LDHC: variants seen among roughly 807,000 people sequenced by gnomAD.
LDHC encodes L-lactate dehydrogenase C chain.
In LDHC, 20 loss-of-function variants were observed where a neutral mutation model predicts 30.2. The observed-to-expected ratio is 0.66, with a 90% CI of 0.47 to 0.96. LDHC has a LOEUF of 0.96. Among genes scored for constraint, LDHC ranks in the 40% least tolerant of loss-of-function variants. The pLI is 0.00. For synonymous variants in LDHC, 139 were observed against 132.7 expected, an observed-to-expected ratio of 1.05 and a Z score of -0.32; for missense variants, 362 against 394.9, an observed-to-expected ratio of 0.92 and a Z score of 0.71.
At chr11:18,414,242 T>C (rs2134043521) in intron 2 of LDHC, among the ~76,000 whole-genome samples, 1 of 152,364 alleles carries the variant, frequency 6.6e-6, no homozygotes, top group East Asian at 1.9e-4. Flanking sequence ...CTGGGCCATA[T>C]GTCCACTTAT....
intron 4 of LDHC, among the ~76,000 whole-genome samples, chr11:18,434,217 A>ATT (rs60806253): frequency 7.0e-4 from 103 of 146,112 alleles, no homozygotes; most frequent in Non-Finnish European, 1.0e-3. Flanking sequence ...TTCTTGTATC[A>ATT]TTTTTTTTTT....
chr11:18,437,881 A>G (rs561117788), intron 5 of LDHC, among the ~76,000 whole-genome samples: 109 of 151,992 alleles, frequency 7.2e-4, no homozygotes, highest in African/African-American at 2.6e-3. Flanking sequence ...CCTGGCCAAC[A>G]TAGCGAAACC....
intron 6 of LDHC, among the ~76,000 whole-genome samples, chr11:18,442,660 C>CTTTTTTT (rs34884188): frequency 2.7e-5 from 3 of 112,626 alleles, no homozygotes; most frequent in Non-Finnish European, 3.5e-5. Context: ...TTCTCTCTCT[C>CTTTTTTT]TTTTTTTTTT....
chr11:18,433,019 T>C (rs1049304588), intron 4 of LDHC, among the ~76,000 whole-genome samples: 3 of 152,144 alleles, frequency 2.0e-5, no homozygotes, highest in African/African-American at 7.2e-5. Flanking sequence ...GTACTTTGGG[T>C]TTTTGTTTGT....
chr11:18,436,726 T>G (rs1031212406), intron 5 of LDHC, among the ~76,000 whole-genome samples: 1 of 151,836 alleles, frequency 6.6e-6, no homozygotes, highest in African/African-American at 2.4e-5. Flanking sequence ...CGTCAGGTGA[T>G]CCACCCGCCA....
At chr11:18,418,380 A>C (rs4757663) in intron 3 of LDHC, among the ~76,000 whole-genome samples, 14,566 of 149,658 alleles carry the variant, frequency 0.097, 817 homozygotes, top group Admixed American at 0.14. Flanking sequence ...TGTATCAGTT[A>C]ATTTGGTGGA....
At chr11:18,431,952 T>A (rs1042643540) in intron 4 of LDHC, among the ~76,000 whole-genome samples, 4 of 152,206 alleles carry the variant, frequency 2.6e-5, no homozygotes, top group African/African-American at 9.7e-5. Flanking sequence ...TATTTTTTTG[T>A]TTCAATTTCA....
intron 5 of LDHC, among the ~76,000 whole-genome samples, chr11:18,436,552 T>C (rs927573908): frequency 1.1e-4 from 16 of 145,744 alleles, no homozygotes. Flanking sequence ...AATGGTGTGA[T>C]CTCGGCTCAC....
chr11:18,422,712 G>A (rs1478889762), intron 3 of LDHC, among the ~76,000 whole-genome samples: 1 of 152,028 alleles, frequency 6.6e-6, no homozygotes, highest in African/African-American at 2.4e-5. Context: ...ATGTCAGGCT[G>A]GGTGTGGTGC....
chr11:18,436,266 T>C (rs1200910186), intron 5 of LDHC, among the ~76,000 whole-genome samples: 4 of 152,136 alleles, frequency 2.6e-5, no homozygotes, highest in Non-Finnish European at 4.4e-5. Context: ...CAGTATATTC[T>C]GATTAGTATT....
At chr11:18,441,332 T>TA (rs1171296137) in intron 6 of LDHC, among the ~76,000 whole-genome samples, 1 of 151,812 alleles carries the variant, frequency 6.6e-6, no homozygotes, top group South Asian at 2.1e-4. Flanking sequence ...CTTTTTTTTT[T>TA]ATTTGAGATG....
At chr11:18,450,916 C>A in intron 7 of LDHC, 47 bp from the exon 8 acceptor site, 1 of 1,410,750 alleles carries the variant, frequency 7.1e-7, no homozygotes, top group Non-Finnish European at 9.7e-7. Flanking sequence ...TGCATAGCTG[C>A]TTTTCCATAT....
At chr11:18,434,698 G>T in intron 4 of LDHC, 42 bp from the exon 5 acceptor site, 2 of 1,346,334 alleles carry the variant, frequency 1.5e-6, no homozygotes, top group Admixed American at 2.0e-5. Flanking sequence ...ATTTTTTTAA[G>T]TTATGATGAA....
At chr11:18,427,387 C>CA (rs1057152048) in intron 3 of LDHC, among the ~76,000 whole-genome samples, 2 of 151,736 alleles carry the variant, frequency 1.3e-5, no homozygotes, top group Non-Finnish European at 2.9e-5. Flanking sequence ...AAAATAACAA[C>CA]AAAAAAACGC....
At chr11:18,431,290 A>G (rs111529024) in intron 4 of LDHC, among the ~76,000 whole-genome samples, 22,643 of 151,676 alleles carry the variant, frequency 0.15, 1,862 homozygotes, top group African/African-American at 0.21. Context: ...GTGAAACCCC[A>G]TCTCTACTAA....
At chr11:18,426,435 G>C (rs1565050099) in intron 3 of LDHC, among the ~76,000 whole-genome samples, 1 of 149,564 alleles carries the variant, frequency 6.7e-6, no homozygotes. Context: ...GCTGAAGCAG[G>C]AGAATCACTT....
At chr11:18,421,459 G>C (rs1320279030) in intron 3 of LDHC, among the ~76,000 whole-genome samples, 1 of 152,050 alleles carries the variant, frequency 6.6e-6, no homozygotes, top group Non-Finnish European at 1.5e-5. Flanking sequence ...GATCACTTGA[G>C]GTCAGGAGTT....
chr11:18,437,584 C>G (rs1217864391), intron 5 of LDHC, among the ~76,000 whole-genome samples: 2 of 151,994 alleles, frequency 1.3e-5, no homozygotes, highest in African/African-American at 2.4e-5. Flanking sequence ...AAACCCGTCT[C>G]TACTAAAAAT....
intron 3 of LDHC, among the ~76,000 whole-genome samples, chr11:18,420,230 G>T (rs1312707462): frequency 6.6e-6 from 1 of 152,138 alleles, no homozygotes; most frequent in Non-Finnish European, 1.5e-5. Context: ...AGTCATGGAG[G>T]ATAGAATAAT....
Sources: gnomAD v4.1 joint callset for allele counts (sites outside exome capture counted in the v4.1 genomes callset) on GRCh38, gnomAD v4.1.1 for gene constraint, MANE v1.5 for transcripts, NCBI Gene and HGNC (gene_info 2026-07-23, HGNC 2026-07-21) for gene names.